Variants in GRIK1 observed in about 807,000 individuals in gnomAD.
GRIK1 encodes the protein glutamate ionotropic receptor kainate type subunit 1, also known as glutamate receptor ionotropic, kainate 1.
In GRIK1, 69 loss-of-function variants were observed where a neutral mutation model predicts 105.7. That is an observed-to-expected ratio of 0.65 (90% CI 0.54 to 0.80). GRIK1 has a LOEUF of 0.80. Among genes scored for constraint, GRIK1 ranks in the 30% least tolerant of loss-of-function variants. The pLI, the probability that GRIK1 is intolerant of heterozygous loss-of-function variation, is 0.00. For missense variants in GRIK1, 1,109 were observed against 1,167.3 expected, an observed-to-expected ratio of 0.95 and a Z score of 0.73; for synonymous variants, 438 against 431.3, an observed-to-expected ratio of 1.02 and a Z score of -0.19.
chr21:29,846,280 C>T (rs1333245764), intron 1 of GRIK1, among the ~76,000 whole-genome samples: 7 of 150,946 alleles, frequency 4.6e-5, no homozygotes, highest in Admixed American at 2.0e-4. Flanking sequence ...CCCAGCTACT[C>T]GGGAGGCTGA....
intron 1 of GRIK1, among the ~76,000 whole-genome samples, chr21:29,754,890 A>G (rs1461869380): frequency 6.6e-6 from 1 of 151,960 alleles, no homozygotes; most frequent in African/African-American, 2.4e-5. Flanking sequence ...TGCCCTATCG[A>G]TTTCAGACTT....
At chr21:29,800,586 G>A (rs2066678675) in intron 1 of GRIK1, among the ~76,000 whole-genome samples, 1 of 152,114 alleles carries the variant, frequency 6.6e-6, no homozygotes, top group African/African-American at 2.4e-5. Context: ...AATTCTTGTT[G>A]GAATTTCTGT....
At chr21:29,663,994 T>A (rs1324406480) in intron 4 of GRIK1, among the ~76,000 whole-genome samples, 1 of 152,186 alleles carries the variant, frequency 6.6e-6, no homozygotes, top group Non-Finnish European at 1.5e-5. Flanking sequence ...GGGCAGAATC[T>A]CCACTGTTTG....
chr21:29,629,976 A>C (rs543945334), intron 7 of GRIK1, among the ~76,000 whole-genome samples: 1 of 152,264 alleles, frequency 6.6e-6, no homozygotes, highest in African/African-American at 2.4e-5. Context: ...GTGGAACTGC[A>C]AGGATGGATG....
chr21:29,868,330 TA>T (rs1056053847), intron 1 of GRIK1, among the ~76,000 whole-genome samples: 3 of 152,184 alleles, frequency 2.0e-5, no homozygotes, highest in Non-Finnish European at 4.4e-5. Context: ...TGCTGTATTT[TA>T]AATAAGTTTT....
At chr21:29,809,922 G>A (rs1455400513) in intron 1 of GRIK1, among the ~76,000 whole-genome samples, 1 of 152,166 alleles carries the variant, frequency 6.6e-6, no homozygotes, top group East Asian at 1.9e-4. Context: ...CAGTGGAGCA[G>A]TCAGACCACA....
intron 7 of GRIK1, among the ~76,000 whole-genome samples, chr21:29,641,773 T>A (rs1393034714): frequency 6.6e-6 from 1 of 152,134 alleles, no homozygotes; most frequent in Non-Finnish European, 1.5e-5. Context: ...TCCTTATACA[T>A]CCCGCCTGCT....
At chr21:29,578,476 G>A (rs1367535799) in intron 13 of GRIK1, among the ~76,000 whole-genome samples, 2 of 152,178 alleles carry the variant, frequency 1.3e-5, no homozygotes, top group Non-Finnish European at 2.9e-5. Flanking sequence ...ATCACAGCCA[G>A]CTCAAGGCCA....
chr21:29,823,471 A>G (rs571899729), intron 1 of GRIK1, among the ~76,000 whole-genome samples: 50 of 152,150 alleles, frequency 3.3e-4, no homozygotes, highest in Non-Finnish European at 6.2e-4. Flanking sequence ...ATGTAAATAT[A>G]CATAAATGTA....
Position 29,587,421 on chromosome 21 carries a change from T to G in GRIK1, c.1738A>C (p.Met580Leu). 1 of 1,613,894 alleles carries G rather than the reference T, an allele frequency of 6.2e-7. No homozygotes were observed. Among genetic ancestry groups the G allele is most frequent in the South Asian group, 1.1e-5 (1 of 91,082 alleles). Reference sequence around the variant, plus strand: ...CCCAAGCAGGCTAAGAGCACATACATCCAAATATCTGGAGACAGGGGGTTG... The same window carrying G: ...CCCAAGCAGGCTAAGAGCACATACAGCCAAATATCTGGAGACAGGGGGTTG... ...FLNPLSPDIW[M>L]YVLLACLGVS... Residue 580 changes from methionine (M) to leucine (L), a missense_variant, in exon 12 of 18, where the codon ATG (methionine) becomes CTG (leucine). By Grantham distance (15) the Met-to-Leu change is conservative. Coordinates refer to ENST00000327783, the MANE Select transcript of GRIK1 (RefSeq NM_001330994.2).
chr21:29,642,732 C>T, intron 7 of GRIK1, 94 bp downstream of exon 7: 2 of 1,091,288 alleles, frequency 1.8e-6, no homozygotes, highest in Non-Finnish European at 2.7e-6. Context: ...TTAGGGGCAT[C>T]ATGCCAGCAG....
intron 1 of GRIK1, among the ~76,000 whole-genome samples, chr21:29,812,291 G>T (rs1405162493): frequency 6.6e-6 from 1 of 152,130 alleles, no homozygotes; most frequent in African/African-American, 2.4e-5. Flanking sequence ...GACAGGCATG[G>T]TGCTGTGGTG....
At chr21:29,731,770 T>A (rs904979624) in intron 1 of GRIK1, among the ~76,000 whole-genome samples, 1 of 152,212 alleles carries the variant, frequency 6.6e-6, no homozygotes, top group South Asian at 2.1e-4. Context: ...ATCTTCAACA[T>A]CATCTCATAC....
intron 7 of GRIK1, among the ~76,000 whole-genome samples, chr21:29,622,972 C>A (rs931067777): frequency 6.6e-6 from 1 of 152,070 alleles, no homozygotes; most frequent in Admixed American, 6.6e-5. Flanking sequence ...ACTATAAGAT[C>A]ATAAGAAGGA....
chr21:29,625,193 A>G (rs894570056), intron 7 of GRIK1, among the ~76,000 whole-genome samples: 1 of 152,240 alleles, frequency 6.6e-6, no homozygotes, highest in African/African-American at 2.4e-5. Context: ...ATATTGAATT[A>G]TACAGGGGTA....
At chr21:29,895,017 C>T (rs920703130) in intron 1 of GRIK1, among the ~76,000 whole-genome samples, 6 of 152,104 alleles carry the variant, frequency 3.9e-5, no homozygotes, top group Non-Finnish European at 7.4e-5. Flanking sequence ...AATTAAGATG[C>T]TTTTTCCTCC....
intron 9 of GRIK1, among the ~76,000 whole-genome samples, chr21:29,592,369 CTT>C (rs1228802977): frequency 1.3e-5 from 2 of 152,192 alleles, no homozygotes; most frequent in Non-Finnish European, 2.9e-5. Context: ...GCCCATTACT[CTT>C]TTTAAAAATA....
chr21:29,885,125 A>G (rs1403104392), intron 1 of GRIK1, among the ~76,000 whole-genome samples: 1 of 152,072 alleles, frequency 6.6e-6, no homozygotes, highest in Non-Finnish European at 1.5e-5. Context: ...AAATGTGATA[A>G]TGTGATGTTT....
At chr21:29,713,057 A>G (rs1429001406) in intron 1 of GRIK1, among the ~76,000 whole-genome samples, 3 of 152,142 alleles carry the variant, frequency 2.0e-5, no homozygotes, top group Non-Finnish European at 4.4e-5. Flanking sequence ...CCAGCAGTAA[A>G]TTCGTCTGTC....
Sources: allele counts gnomAD v4.1 joint callset (sites outside exome capture counted in the v4.1 genomes callset), GRCh38; gene constraint gnomAD v4.1.1; transcripts MANE v1.5; gene names NCBI Gene and HGNC (gene_info 2026-07-23, HGNC 2026-07-21).